The following R3HDM2 variants were observed in gnomAD, a reference collection of about 807,000 sequenced individuals.
R3HDM2 encodes the protein R3H domain containing 2.
A neutral mutation model predicts 124.5 loss-of-function variants in R3HDM2; 38 were observed. That is an observed-to-expected ratio of 0.31 (90% CI 0.24 to 0.40). R3HDM2 has a LOEUF of 0.40. Among genes scored for constraint, R3HDM2 ranks in the 10% least tolerant of loss-of-function variants. The pLI, the probability that R3HDM2 is intolerant of heterozygous loss-of-function variation, is 1.00. For missense variants in R3HDM2, 869 were observed against 1,236.9 expected (o/e 0.70, Z 4.46); for synonymous variants, 391 against 448.0 (o/e 0.87, Z 1.61).
At chr12:57,323,174 A>G (rs2056736302) in intron 2 of R3HDM2, among the ~76,000 whole-genome samples, 1 of 152,202 alleles carries the variant, frequency 6.6e-6, no homozygotes, top group Non-Finnish European at 1.5e-5. Flanking sequence ...TGGTTCCAAA[A>G]TTCCATGTTC....
intron 2 of R3HDM2, among the ~76,000 whole-genome samples, chr12:57,350,897 A>G (rs552054332): frequency 9.9e-5 from 15 of 152,232 alleles, no homozygotes; most frequent in Admixed American, 9.2e-4. Flanking sequence ...TCAGGAGTTC[A>G]AGACCAGCCT....
Position 57,261,965 on chromosome 12 carries a change from T to G in R3HDM2, c.2132-2906A>C, listed in dbSNP as rs557657809. On this transcript the variant is annotated intron_variant, in intron 19 of 23. Transcript: ENST00000402412. ...ATTAAACCTGGGCAGAAAGGTCGAT[T>G]GGGCACAGCAAACCGCATAAATACA... Among the ~76,000 whole-genome samples, 28 of 152,202 alleles carry G rather than the reference T, an allele frequency of 1.8e-4. 1 individual carries two copies. The South Asian group carries it at 2.9e-3, about 16-fold the overall frequency.
intron 2 of R3HDM2, among the ~76,000 whole-genome samples, chr12:57,375,702 C>G (rs1375503189): frequency 7.1e-6 from 1 of 141,708 alleles, no homozygotes; most frequent in African/African-American, 2.6e-5. Context: ...GAGACGGAGT[C>G]TTGCTCTGTC....
At chr12:57,349,379 C>CAAAAAAAAAAAAAA (rs1161831845) in intron 2 of R3HDM2, among the ~76,000 whole-genome samples, 23 of 57,740 alleles carry the variant, frequency 4.0e-4, no homozygotes, top group South Asian at 1.3e-3. Flanking sequence ...ACTCCGTCTC[C>CAAAAAAAAAAAAAA]AAAAAAAAAA....
chr12:57,338,946 A>G (rs948234391), intron 2 of R3HDM2, among the ~76,000 whole-genome samples: 1 of 152,136 alleles, frequency 6.6e-6, no homozygotes, highest in African/African-American at 2.4e-5. Context: ...AAGATTTATT[A>G]TGTATATATT....
At chr12:57,415,239 C>T (rs1018037332) in intron 1 of R3HDM2, 3 of 152,072 alleles carry the variant, frequency 2.0e-5, no homozygotes, top group African/African-American at 7.2e-5. Flanking sequence ...ACAATACCAG[C>T]CGTAAATGCA....
At chr12:57,299,690 C>CA (rs1315918212) in intron 5 of R3HDM2, among the ~76,000 whole-genome samples, 2 of 152,124 alleles carry the variant, frequency 1.3e-5, no homozygotes, top group African/African-American at 4.8e-5. Flanking sequence ...ATGGAGAGCT[C>CA]AAATTACACA....
At position 57,374,683 on chromosome 12, in the gene R3HDM2, T is replaced by TAAAA. The variant is rs56197858; in HGVS notation, c.-36+21062_-36+21065dup. Among the ~76,000 whole-genome samples the TAAAA allele has an allele frequency of 3.6e-4, 10 of 28,058 alleles. 2 individuals carry two copies. Among genetic ancestry groups the TAAAA allele is most frequent in the Non-Finnish European group, 6.4e-4 (10 of 15,608 alleles). The allele number at this position is 28,058 out of a possible 152,430, so 18.4% of individuals were successfully genotyped here. A position where few individuals can be genotyped will look rare whatever the true frequency, so the allele number is the denominator to read the frequency against. ...GGGCAAAAAGAGAGAAATTCTATCT[T>TAAAA]AAAAAAAAAAAAAAAAAAAAAAAAA... On this transcript the variant is annotated intron_variant, in intron 2 of 23. Transcript: ENST00000402412.
At chr12:57,300,209 T>C in intron 4 of R3HDM2, 28 bp from the exon 5 acceptor site, 1 of 1,515,566 alleles carries the variant, frequency 6.6e-7, no homozygotes, top group Non-Finnish European at 9.0e-7. Context: ...CAATTTTCAA[T>C]TTTTTTAATG....
At chr12:57,284,173 T>C (rs1415144076) in intron 12 of R3HDM2, 117 bp from the exon 13 acceptor site, 1 of 957,510 alleles carries the variant, frequency 1.0e-6, no homozygotes, top group Non-Finnish European at 1.6e-6. Flanking sequence ...AAAGGGAGGA[T>C]GGACACTGAC....
At chr12:57,257,423 T>C (rs756370241) in intron 21 of R3HDM2, among the ~76,000 whole-genome samples, 8 of 152,252 alleles carry the variant, frequency 5.3e-5, no homozygotes, top group Non-Finnish European at 7.3e-5. Flanking sequence ...CAGAGCACTT[T>C]AAAGTTTTTA....
chr12:57,404,066 T>TTTTTTTTTTC (rs1421316418), intron 1 of R3HDM2, among the ~76,000 whole-genome samples: 5 of 125,318 alleles, frequency 4.0e-5, no homozygotes, highest in African/African-American at 1.5e-4. Context: ...CACTCCTAAT[T>TTTTTTTTTTC]TTTTTTTTTT....
chr12:57,401,659 A>G (rs1443436838), intron 1 of R3HDM2, among the ~76,000 whole-genome samples: 2 of 152,240 alleles, frequency 1.3e-5, no homozygotes, highest in African/African-American at 4.8e-5. Flanking sequence ...TCATGTAATC[A>G]CTATGATGAG....
At chr12:57,276,312 G>A (rs2044723968) in intron 14 of R3HDM2, among the ~76,000 whole-genome samples, 1 of 151,358 alleles carries the variant, frequency 6.6e-6, no homozygotes. Context: ...ATACAAAAAA[G>A]ATACTTGCAT....
At chr12:57,385,491 C>T (rs1186646384) in intron 2 of R3HDM2, among the ~76,000 whole-genome samples, 1 of 152,014 alleles carries the variant, frequency 6.6e-6, no homozygotes, top group Non-Finnish European at 1.5e-5. Flanking sequence ...ATCCGCCCAC[C>T]TCAGCCTCCC....
At chr12:57,317,980 CG>C (rs1445470959) in intron 2 of R3HDM2, among the ~76,000 whole-genome samples, 32 of 102,218 alleles carry the variant, frequency 3.1e-4, no homozygotes, top group African/African-American at 9.9e-4. Flanking sequence ...ACTCCGTCCC[CG>C]CCCCCCCAAA....
intron 2 of R3HDM2, among the ~76,000 whole-genome samples, chr12:57,310,706 C>T (rs2053720343): frequency 6.6e-6 from 1 of 152,082 alleles, no homozygotes; most frequent in South Asian, 2.1e-4. Context: ...ATGCATTCAC[C>T]TGTGAAACCA....
chr12:57,287,569 T>C (rs539907268), intron 12 of R3HDM2, among the ~76,000 whole-genome samples: 1 of 152,242 alleles, frequency 6.6e-6, no homozygotes, highest in Non-Finnish European at 1.5e-5. Context: ...TTTGGCTAGC[T>C]TTAGAAAGGA....
At chr12:57,414,975 CTTG>C (rs1566513629) in intron 1 of R3HDM2, among the ~76,000 whole-genome samples, 1 of 152,062 alleles carries the variant, frequency 6.6e-6, no homozygotes. Flanking sequence ...CGCAGAACCC[CTTG>C]TTGTGCCAGA....
Sources: allele counts gnomAD v4.1 joint callset (sites outside exome capture counted in the v4.1 genomes callset), GRCh38; gene constraint gnomAD v4.1.1; transcripts MANE v1.5; gene names NCBI Gene and HGNC (gene_info 2026-07-23, HGNC 2026-07-21).